CARMIL1: variants seen among roughly 807,000 people sequenced by gnomAD.
CARMIL1 encodes the protein F-actin-uncapping protein LRRC16A.
Under a neutral mutation model 177.1 loss-of-function variants are expected in CARMIL1, and 90 were observed. The ratio of observed to expected loss-of-function variants is 0.51; its 90% CI spans 0.43 to 0.61. The LOEUF (loss-of-function observed/expected upper bound fraction) is 0.61. Ranked by LOEUF, CARMIL1 falls within the 20% of genes least tolerant of loss-of-function variation. CARMIL1 has a pLI of 0.00. For missense variants in CARMIL1, 1,380 were observed against 1,667.0 expected (o/e 0.83, Z 3.00); for synonymous variants, 577 against 606.2 (o/e 0.95, Z 0.71).
chr6:25,292,305 C>G (rs964103931), intron 2 of CARMIL1, among the ~76,000 whole-genome samples: 4 of 152,114 alleles, frequency 2.6e-5, no homozygotes, highest in Admixed American at 1.3e-4. Context: ...TTACATGGCT[C>G]TAGAAAATTG....
chr6:25,500,474 TG>T (rs1804201292), intron 17 of CARMIL1, among the ~76,000 whole-genome samples: 1 of 152,200 alleles, frequency 6.6e-6, no homozygotes, highest in Admixed American at 6.5e-5. Context: ...GTTCCATTCT[TG>T]GTGCCTGCTG....
In CARMIL1 at chr6:25,600,516, A is replaced by G. The variant is rs749790394; in HGVS notation, c.3322A>G (p.Arg1108Gly). ...CAGAAGTCCACCTGTGGACTGTCCC[A>G]GGAAGGACACAAAGGCCGCCGAGCA... ...AVRSPPVDCP[R>G]KDTKAAEHNG... The change falls in exon 33 of 37, where the codon AGG becomes GGG. Residue 1108 changes from arginine (R) to glycine (G), a missense_variant. Arg to Gly is a moderately radical substitution (Grantham distance 125, BLOSUM62 -2). Transcript: ENST00000329474. 6.2e-7 allele frequency: 1 copy of G among 1,614,070 alleles called. No homozygotes were observed. Among genetic ancestry groups the G allele is most frequent in the East Asian group, 2.2e-5 (1 of 44,886 alleles).
chr6:25,396,125 A>C (rs1581795078), intron 2 of CARMIL1, among the ~76,000 whole-genome samples: 1 of 151,610 alleles, frequency 6.6e-6, no homozygotes, highest in African/African-American at 2.4e-5. Flanking sequence ...CACTACCTGG[A>C]GGGCTTGCCC....
At chr6:25,347,254 C>A (rs991762143) in intron 2 of CARMIL1, among the ~76,000 whole-genome samples, 7 of 152,164 alleles carry the variant, frequency 4.6e-5, no homozygotes, top group African/African-American at 1.7e-4. Context: ...TAAATGTAAG[C>A]TAATTTATAT....
intron 5 of CARMIL1, among the ~76,000 whole-genome samples, chr6:25,445,886 A>G (rs1477732694): frequency 6.6e-6 from 1 of 152,200 alleles, no homozygotes; most frequent in Non-Finnish European, 1.5e-5. Context: ...TTGAATTAGT[A>G]GGCATGAAAA....
intron 2 of CARMIL1, among the ~76,000 whole-genome samples, chr6:25,313,975 A>C (rs370388770): frequency 2.0e-5 from 3 of 151,254 alleles, no homozygotes; most frequent in East Asian, 4.0e-4. Context: ...TCAGTTATTG[A>C]TTCTATGTTT....
At position 25,554,803 on chromosome 6, in the gene CARMIL1, A is replaced by G. The variant is rs1055045572; in HGVS notation, c.2592+707A>G. On this transcript the variant is annotated intron_variant, in intron 28 of 36. Coordinates refer to ENST00000329474, the MANE Select transcript of CARMIL1 (RefSeq NM_017640.6). This position sits in a 1 kb window ranked among gnomAD's most constrained non-coding sequence, Gnocchi z 4.6. ...AGTTATAGCAATGTTTCCTTCAAGAAAAATAATTCTTCAATGTTTTCTTAA... is the reference window on the plus strand; with the variant it reads ...AGTTATAGCAATGTTTCCTTCAAGAGAAATAATTCTTCAATGTTTTCTTAA... Among the ~76,000 whole-genome samples, 2 of 152,182 alleles carry G rather than the reference A, an allele frequency of 1.3e-5. No homozygotes were observed. Among genetic ancestry groups the G allele is most frequent in the African/African-American group, 4.8e-5 (2 of 41,448 alleles).
At chr6:25,422,023 T>C (rs1460887685) in intron 3 of CARMIL1, among the ~76,000 whole-genome samples, 1 of 151,792 alleles carries the variant, frequency 6.6e-6, no homozygotes, top group Non-Finnish European at 1.5e-5. Context: ...AGTATAATAA[T>C]AATAAAATAA....
In CARMIL1 at chr6:25,381,817, G is replaced by A. The variant is rs557273952; in HGVS notation, c.139-38297G>A. Reference sequence around the variant, plus strand: ...CATAGTCATGGTTGACTACATCACTGGTCATTGGTGATTAGTTCAATCTCC... The same window carrying A: ...CATAGTCATGGTTGACTACATCACTAGTCATTGGTGATTAGTTCAATCTCC... On this transcript the variant is annotated intron_variant, in intron 2 of 36. Coordinates refer to ENST00000329474, the MANE Select transcript of CARMIL1 (RefSeq NM_017640.6). Among the ~76,000 whole-genome samples the A allele has an allele frequency of 1.1e-4, 16 of 152,152 alleles. No homozygotes were observed. The East Asian group carries it at 2.9e-3, about 28-fold the overall frequency.
chr6:25,324,840 G>T (rs1784946195), intron 2 of CARMIL1, among the ~76,000 whole-genome samples: 1 of 152,146 alleles, frequency 6.6e-6, no homozygotes, highest in African/African-American at 2.4e-5. Flanking sequence ...CCAGGTGAGG[G>T]CACAGGTGTG....
At chr6:25,546,205 T>C (rs1370595311) in intron 26 of CARMIL1, among the ~76,000 whole-genome samples, 1 of 152,318 alleles carries the variant, frequency 6.6e-6, no homozygotes, top group South Asian at 2.1e-4. Context: ...ATGTTTATAA[T>C]CATCACTTCT....
intron 2 of CARMIL1, among the ~76,000 whole-genome samples, chr6:25,377,666 G>C (rs1247715390): frequency 1.3e-5 from 2 of 152,294 alleles, no homozygotes; most frequent in African/African-American, 4.8e-5. Flanking sequence ...CTCAAGTACT[G>C]GTTGTAGTAG....
chr6:25,502,000 A>AAAC (rs1804412803), intron 17 of CARMIL1, among the ~76,000 whole-genome samples: 1 of 151,082 alleles, frequency 6.6e-6, no homozygotes, highest in Non-Finnish European at 1.5e-5. Context: ...TGTAAAAAAA[A>AAAC]AAAAAAAAAA....
Position 25,609,814 on chromosome 6 carries a change from C to T in CARMIL1, c.3848-236C>T, listed in dbSNP as rs184001512. Among the ~76,000 whole-genome samples, 8 of 152,302 alleles carry T rather than the reference C, an allele frequency of 5.3e-5. No homozygotes were observed. The East Asian group carries it at 1.5e-3, about 29-fold the overall frequency. ...GCTGTGCATTGAAATTCTTGATCTA[C>T]AGGATAGATTCATATTTGTGCAGAT... On this transcript the variant is annotated intron_variant, in intron 35 of 36. Coordinates refer to ENST00000329474, the MANE Select transcript of CARMIL1 (RefSeq NM_017640.6).
At chr6:25,600,229 A>G (rs528339404) in intron 32 of CARMIL1, 85 bp from the exon 33 acceptor site, 5 of 1,243,228 alleles carry the variant, frequency 4.0e-6, no homozygotes, top group Non-Finnish European at 5.6e-6. Context: ...ATATGTAGCA[A>G]TCTCCATATT....
Position 25,614,194 on chromosome 6 carries a change from T to C in CARMIL1, c.3979+4013T>C, listed in dbSNP as rs541455749. On this transcript the variant is annotated intron_variant, in intron 36 of 36. Coordinates refer to ENST00000329474, the MANE Select transcript of CARMIL1 (RefSeq NM_017640.6). ...GAGCCTGCCTTCTCAGCCAGTGCCA[T>C]GGGCTCAGCCACATGTGCTCACTTG... Among the ~76,000 whole-genome samples the C allele has an allele frequency of 6.6e-5, 10 of 152,286 alleles. No homozygotes were observed. The South Asian group carries it at 1.9e-3, about 28-fold the overall frequency.
At position 25,491,766 on chromosome 6, in the gene CARMIL1, T is replaced by C. The variant is rs1236635387; in HGVS notation, c.1100T>C (p.Ile367Thr). 1.2e-6 allele frequency: 2 copies of C among 1,601,838 alleles called. No individual in the cohort carries two copies. Among genetic ancestry groups the C allele is most frequent in the Middle Eastern group, 2.0e-4 (1 of 5,100 alleles). The stretch of plus-strand genomic sequence containing the variant: ...AATTTTTTGGCCCAGCCAAATGCCA[T>C]TGTTCATCTGGATTTATCCAATACA... The part of the protein sequence containing the change: ...MYNFLAQPNA[I>T]VHLDLSNTEC... The change falls in exon 14 of 37, where the codon ATT becomes ACT. Residue 367 changes from isoleucine (I) to threonine (T), a missense_variant. By Grantham distance (89) the Ile-to-Thr change is moderately conservative. Coordinates refer to ENST00000329474, the MANE Select transcript of CARMIL1 (RefSeq NM_017640.6).
chr6:25,339,276 A>G (rs1173648949), intron 2 of CARMIL1, among the ~76,000 whole-genome samples: 1 of 152,228 alleles, frequency 6.6e-6, no homozygotes, highest in Non-Finnish European at 1.5e-5. Context: ...AGTTCTGGAC[A>G]TTGCAGATAA....
intron 11 of CARMIL1, among the ~76,000 whole-genome samples, chr6:25,479,535 ATC>A (rs1452815821): frequency 6.6e-6 from 1 of 151,838 alleles, no homozygotes; most frequent in Non-Finnish European, 1.5e-5. Flanking sequence ...TGATAATTTG[ATC>A]TCTGTTTCTC....
Sources: allele counts gnomAD v4.1 joint callset (sites outside exome capture counted in the v4.1 genomes callset), GRCh38; gene constraint gnomAD v4.1.1; non-coding constraint Gnocchi (gnomAD v3.1); transcripts MANE v1.5; gene names NCBI Gene and HGNC (gene_info 2026-07-23, HGNC 2026-07-21).